Variants in ESD observed in about 807,000 individuals in gnomAD.
ESD encodes the protein S-formylglutathione hydrolase.
A neutral mutation model predicts 38.1 loss-of-function variants in ESD; 34 were observed. The observed-to-expected ratio is 0.89, with a 90% CI of 0.68 to 1.19. The LOEUF is 1.19. Among genes scored for constraint, ESD ranks in the 50% most tolerant of loss-of-function variants. The probability of loss-of-function intolerance (pLI) is 0.00; values close to 1 mark genes in which losing one functional copy is unlikely to be tolerated. For missense variants in ESD, 334 were observed against 327.2 expected (o/e 1.02, Z -0.16); for synonymous variants, 97 against 107.0 (o/e 0.91, Z 0.58).
upstream of ESD, chr13:46,797,377 A>C (rs1875631933): frequency 6.6e-6 from 1 of 152,416 alleles, no homozygotes; most frequent in Non-Finnish European, 1.5e-5. Flanking sequence ...TACTAGGACC[A>C]ACGAGGAGGG....
intron 3 of ESD, among the ~76,000 whole-genome samples, chr13:46,789,586 C>G (rs146949715): frequency 2.0e-4 from 31 of 152,062 alleles, no homozygotes; most frequent in African/African-American, 7.5e-4. Flanking sequence ...TCTGGGAATT[C>G]TTGAATTATT....
rs752595190 is a variant in ESD, at chr13:46,782,792, C to T, written c.257-1G>A. 39 of 1,611,668 alleles carry T rather than the reference C, an allele frequency of 2.4e-5. No individual in the cohort carries two copies. The highest frequency in any genetic ancestry group is 3.1e-5 in the Non-Finnish European group (37 of 1,178,600). On this transcript the variant is annotated splice_acceptor_variant, in intron 5 of 9. Coordinates refer to ENST00000378720, the MANE Select transcript of ESD (RefSeq NM_001984.2). LOFTEE classifies it high-confidence loss of function. The stretch of plus-strand genomic sequence containing the variant: ...TCTTCACCTTTAATATTGCAGCCAC[C>T]TATCAAGAAACAATCTTGTGGTTTC...
Position 46,771,447 on chromosome 13 carries a change from A to C in ESD, c.818T>G (p.Ile273Ser). The C allele has an allele frequency of 6.2e-7, 1 of 1,607,320 alleles. No homozygotes were observed. Residue 273 changes from isoleucine to serine, a missense_variant, in exon 10 of 10, where the codon ATC (isoleucine) becomes AGC (serine). Transcript: ENST00000378720. ...ATTCAGGTATTTAGCATGATGTCTG[A>C]TGTGGTCAGTAATAAAGGTTGCAAT... Reference protein sequence around the residue: ...YFIATFITDHIRHHAKYLNA With the variant: ...YFIATFITDHSRHHAKYLNA
chr13:46,797,343 G>C (rs554774877), upstream of ESD: 3 of 153,136 alleles, frequency 2.0e-5, no homozygotes, highest in African/African-American at 7.2e-5. Context: ...TCCTGCCTTC[G>C]CCCGCGTTTC....
chr13:46,789,131 T>C (rs1413332990), intron 3 of ESD, among the ~76,000 whole-genome samples: 1 of 152,156 alleles, frequency 6.6e-6, no homozygotes, highest in Admixed American at 6.6e-5. Flanking sequence ...TGCTTTCTAG[T>C]TGCTGCCTTA....
chr13:46,771,623 G>A (rs1310004711), intron 9 of ESD, 127 bp from the exon 10 acceptor site: 4 of 530,326 alleles, frequency 7.5e-6, no homozygotes, highest in Non-Finnish European at 9.9e-6. Context: ...GAAGTATGAG[G>A]AAGGTTTATA....
chr13:46,779,726 A>G (rs1344843700), intron 8 of ESD, among the ~76,000 whole-genome samples: 1 of 146,004 alleles, frequency 6.8e-6, no homozygotes, highest in Non-Finnish European at 1.5e-5. Context: ...TATATATAAA[A>G]TAATATATAT....
chr13:46,777,623 C>A lies in ESD; in HGVS notation c.601G>T (p.Ala201Ser). The A allele has an allele frequency of 6.3e-7, 1 of 1,594,172 alleles. No individual in the cohort carries two copies. The highest frequency in any genetic ancestry group is 8.5e-7 in the Non-Finnish European group (1 of 1,170,176). Reference protein sequence around the residue: ...YLGTDQSKWKAYDATHLVKSY... With the variant: ...YLGTDQSKWKSYDATHLVKSY... ...TTCACAAGGTGGGTAGCATCATAAG[C>A]CTGTAAAAAGAGAAGTAACATTGAA... Residue 201 changes from alanine to serine, a missense_variant and splice_region_variant, in exon 9 of 10, where the codon GCT (alanine) becomes TCT (serine). Transcript: ENST00000378720.
At chr13:46,791,300 A>C in intron 3 of ESD, 46 bp downstream of exon 3, 1 of 1,380,432 alleles carries the variant, frequency 7.2e-7, no homozygotes, top group Non-Finnish European at 1.0e-6. Flanking sequence ...GAACAAAATA[A>C]TCCAACAGAA....
At chr13:46,789,713 TC>T (rs1875322215) in intron 3 of ESD, among the ~76,000 whole-genome samples, 1 of 152,112 alleles carries the variant, frequency 6.6e-6, no homozygotes, top group Non-Finnish European at 1.5e-5. Flanking sequence ...ATCACTTTTA[TC>T]TTATTTTACT....
intron 4 of ESD, chr13:46,785,514 A>G (rs1327894137): frequency 6.6e-6 from 1 of 152,076 alleles, no homozygotes; most frequent in Non-Finnish European, 1.5e-5. Flanking sequence ...TTTTGATTTC[A>G]GCTAATTTCT....
intron 9 of ESD, among the ~76,000 whole-genome samples, chr13:46,771,996 A>T (rs1208734835): frequency 6.6e-6 from 1 of 152,344 alleles, no homozygotes. Context: ...GCAGCACATC[A>T]GTAAGACAGT....
At position 46,779,732 on chromosome 13, in the gene ESD, T is replaced by C. The variant is rs182530684; in HGVS notation, c.600+203A>G. Among the ~76,000 whole-genome samples, 1,020 of 145,872 alleles carry C rather than the reference T, an allele frequency of 7.0e-3. 2 individuals are homozygous for C. The highest frequency in any genetic ancestry group is 0.012 in the Non-Finnish European group (771 of 66,280). On this transcript the variant is annotated intron_variant, in intron 8 of 9. Transcript: ENST00000378720. ...ATATATATATATATATAAAATAATA[T>C]ATATAATAATATATATAAAATAATA...
chr13:46,797,652 C>T (rs1393837900), upstream of ESD, among the ~76,000 whole-genome samples: 1 of 152,202 alleles, frequency 6.6e-6, no homozygotes, highest in Non-Finnish European at 1.5e-5. Flanking sequence ...GTGGCCGACA[C>T]GCAGTGGGAA....
chr13:46,781,740 T>C, intron 6 of ESD, 125 bp from the exon 7 acceptor site: 6 of 859,340 alleles, frequency 7.0e-6, no homozygotes, highest in Non-Finnish European at 1.1e-5. Flanking sequence ...TTTGAACTAG[T>C]AACAATGAAA....
Position 46,777,509 on chromosome 13 carries a change from A to C in ESD, c.715T>G (p.Phe239Val). Residue 239 changes from phenylalanine (F) to valine (V), a missense_variant, in exon 9 of 10, where the codon TTC becomes GTC. Coordinates refer to ENST00000378720, the MANE Select transcript of ESD (RefSeq NM_001984.2). ...LLDGQLLPDN[F>V]IAACTEKKIP... ...TTCTTTTCTGTACAGGCAGCTATGA[A>C]GTTATCAGGGAGTAACTGTCCATCT... 1.9e-6 allele frequency: 3 copies of C among 1,611,234 alleles called. No homozygotes were observed. The highest frequency in any genetic ancestry group is 1.7e-6 in the Non-Finnish European group (2 of 1,178,096).
At chr13:46,789,503 T>A (rs1354138759) in intron 3 of ESD, among the ~76,000 whole-genome samples, 1 of 152,198 alleles carries the variant, frequency 6.6e-6, no homozygotes, top group Non-Finnish European at 1.5e-5. Context: ...ACTCTAAAAC[T>A]TTACTATGTT....
chr13:46,791,769 TA>T (rs1179044205), intron 2 of ESD, among the ~76,000 whole-genome samples: 1 of 152,074 alleles, frequency 6.6e-6, no homozygotes, highest in Non-Finnish European at 1.5e-5. Context: ...AAATTGTTAA[TA>T]GTCTGCCTAT....
intron 8 of ESD, among the ~76,000 whole-genome samples, chr13:46,779,245 C>T (rs908993540): frequency 6.6e-6 from 1 of 151,644 alleles, no homozygotes; most frequent in South Asian, 2.1e-4. Context: ...AGACTCGTGT[C>T]TGGAATTTAA....
Sources: gnomAD v4.1 joint callset for allele counts (sites outside exome capture counted in the v4.1 genomes callset) on GRCh38, gnomAD v4.1.1 for gene constraint, MANE v1.5 for transcripts, NCBI Gene and HGNC (gene_info 2026-07-23, HGNC 2026-07-21) for gene names.